The following ESR1 variants were observed in gnomAD, a reference collection of about 807,000 sequenced individuals.
ESR1 encodes estrogen receptor.
In ESR1, 12 loss-of-function variants were observed where a neutral mutation model predicts 52.7. That is an observed-to-expected ratio of 0.23 (90% CI 0.15 to 0.37). The LOEUF (loss-of-function observed/expected upper bound fraction) is 0.37, where lower values mean the gene tolerates loss of function less well. Among genes scored for constraint, ESR1 ranks in the 10% least tolerant of loss-of-function variants. The pLI is 1.00. For synonymous variants in ESR1, 305 were observed against 316.8 expected (o/e 0.96, Z 0.39); for missense variants, 584 against 779.7 (o/e 0.75, Z 2.99).
chr6:152,013,129 A>T (rs1198244597), intron 5 of ESR1, among the ~76,000 whole-genome samples: 1 of 152,182 alleles, frequency 6.6e-6, no homozygotes, highest in Non-Finnish European at 1.5e-5. Context: ...CTCACAATGT[A>T]TTCTGTCAGC....
chr6:151,844,413 T>C (rs1400515945), intron 2 of ESR1, among the ~76,000 whole-genome samples: 1 of 152,196 alleles, frequency 6.6e-6, no homozygotes. Flanking sequence ...TAGGTCTAAC[T>C]GCACAACTGG....
intron 1 of ESR1, among the ~76,000 whole-genome samples, chr6:151,672,688 G>T (rs1365162330): frequency 2.0e-5 from 3 of 151,832 alleles, no homozygotes; most frequent in Non-Finnish European, 2.9e-5. Flanking sequence ...GGCCATCCTG[G>T]TCTTGAACTC....
chr6:151,780,994 C>A (rs1279886194), intron 2 of ESR1, among the ~76,000 whole-genome samples: 1 of 152,096 alleles, frequency 6.6e-6, no homozygotes, highest in South Asian at 2.1e-4. Flanking sequence ...TTGTAGAATG[C>A]AAATACTAAT....
chr6:152,087,332 A>G (rs1405479507), intron 6 of ESR1, among the ~76,000 whole-genome samples: 1 of 152,232 alleles, frequency 6.6e-6, no homozygotes, highest in African/African-American at 2.4e-5. Context: ...GGAGGTATAC[A>G]AAACATTCCT....
At chr6:151,914,492 CAA>C (rs922409701) in intron 3 of ESR1, among the ~76,000 whole-genome samples, 7 of 151,952 alleles carry the variant, frequency 4.6e-5, no homozygotes, top group Non-Finnish European at 8.8e-5. Flanking sequence ...GATATAATAC[CAA>C]GAAATAATAA....
At chr6:151,825,635 G>T (rs916239308) in intron 1 of ESR1, among the ~76,000 whole-genome samples, 2 of 152,172 alleles carry the variant, frequency 1.3e-5, no homozygotes, top group South Asian at 4.1e-4. Context: ...TTGTTGGCCA[G>T]GTATGGTGGA....
chr6:151,870,858 CT>C (rs1554273532), intron 2 of ESR1, among the ~76,000 whole-genome samples: 116 of 145,866 alleles, frequency 8.0e-4, no homozygotes, highest in Admixed American at 9.6e-4. Flanking sequence ...TCTTCTTCTT[CT>C]TTTTTTTTTT....
At chr6:152,039,223 G>C (rs1156892316) in intron 5 of ESR1, among the ~76,000 whole-genome samples, 3 of 152,082 alleles carry the variant, frequency 2.0e-5, no homozygotes, top group African/African-American at 4.8e-5. Context: ...CTTCATTCCT[G>C]AAGGGTCTGG....
intron 2 of ESR1, among the ~76,000 whole-genome samples, chr6:151,703,848 C>G (rs768315839): frequency 2.6e-5 from 4 of 152,146 alleles, no homozygotes; most frequent in Non-Finnish European, 5.9e-5. Context: ...AGATCCAAAA[C>G]TTTGATTCCA....
In ESR1 at chr6:151,842,738, A is replaced by C; in HGVS notation, c.594A>C (p.Gly198=). 1 of 1,613,950 alleles carries C rather than the reference A, an allele frequency of 6.2e-7. No homozygotes were observed. Among genetic ancestry groups the C allele is most frequent in the Non-Finnish European group, 8.5e-7 (1 of 1,179,892 alleles). ...CNDYASGYHY[G]VWSCEGCKAF... ...ACTATGCTTCAGGCTACCATTATGG[A>C]GTCTGGTCCTGTGAGGGCTGCAAGG... Residue 198 remains glycine, a synonymous_variant, in exon 2 of 8, where the codon GGA becomes GGC. Coordinates refer to ENST00000206249, the MANE Select transcript of ESR1 (RefSeq NM_000125.4).
chr6:151,880,178 T>C (rs574220749), intron 2 of ESR1, among the ~76,000 whole-genome samples: 35 of 106,708 alleles, frequency 3.3e-4, no homozygotes, highest in African/African-American at 1.0e-3. Context: ...GGTTTTTTGT[T>C]CTGTTTTTTT....
intron 6 of ESR1, among the ~76,000 whole-genome samples, chr6:152,063,278 A>G (rs968253072): frequency 6.6e-6 from 1 of 152,206 alleles, no homozygotes; most frequent in Non-Finnish European, 1.5e-5. Flanking sequence ...AAGGCACTGT[A>G]TGCTGACATA....
At chr6:151,876,874 G>C (rs1358548665) in intron 2 of ESR1, among the ~76,000 whole-genome samples, 1 of 151,824 alleles carries the variant, frequency 6.6e-6, no homozygotes, top group East Asian at 1.9e-4. Context: ...TCACATCGTG[G>C]CTTTGGCCCT....
intron 5 of ESR1, among the ~76,000 whole-genome samples, chr6:152,026,558 A>G (rs1287414306): frequency 6.6e-6 from 1 of 151,920 alleles, no homozygotes; most frequent in Non-Finnish European, 1.5e-5. Context: ...ACACAAATAC[A>G]TATTTATTGA....
intron 1 of ESR1, among the ~76,000 whole-genome samples, chr6:151,692,134 CTT>C (rs1195433069): frequency 6.6e-5 from 10 of 152,184 alleles, no homozygotes; most frequent in African/African-American, 9.7e-5. Flanking sequence ...GAATAAAGCT[CTT>C]GTGTCTTAAA....
chr6:151,847,288 C>T (rs557086425), intron 2 of ESR1, among the ~76,000 whole-genome samples: 4 of 152,250 alleles, frequency 2.6e-5, no homozygotes, highest in South Asian at 2.1e-4. Context: ...CAGCTGTGGC[C>T]GGTAAGCAGG....
intron 2 of ESR1, among the ~76,000 whole-genome samples, chr6:151,736,303 A>T (rs1485171113): frequency 6.6e-6 from 1 of 151,730 alleles, no homozygotes; most frequent in African/African-American, 2.4e-5. Flanking sequence ...CATAAACTTG[A>T]GTTTTAAAAA....
intron 3 of ESR1, among the ~76,000 whole-genome samples, chr6:151,899,863 A>C (rs1796398158): frequency 6.7e-6 from 1 of 149,628 alleles, no homozygotes; most frequent in Admixed American, 6.6e-5. Context: ...GGCGCTCCTC[A>C]CTTCCTAGAT....
rs538337685 is a variant in ESR1 at position 152,015,028 on chromosome 6, T to C, written c.1235+3234T>C. On this transcript the variant is annotated intron_variant, in intron 5 of 7. Coordinates refer to ENST00000206249, the MANE Select transcript of ESR1 (RefSeq NM_000125.4). ...GTTGCAGTGAGCCAAAATTGTGCCATTGCACTCCAGCCTGGATGAAATTCC... is the reference window on the plus strand; with the variant it reads ...GTTGCAGTGAGCCAAAATTGTGCCACTGCACTCCAGCCTGGATGAAATTCC... Among the ~76,000 whole-genome samples, 10 of 152,174 alleles carry C rather than the reference T, an allele frequency of 6.6e-5. No homozygotes were observed. In the South Asian group the frequency reaches 1.7e-3, roughly 25 times the overall value.
Sources: allele counts gnomAD v4.1 joint callset (sites outside exome capture counted in the v4.1 genomes callset), GRCh38; gene constraint gnomAD v4.1.1; transcripts MANE v1.5; gene names NCBI Gene and HGNC (gene_info 2026-07-23, HGNC 2026-07-21).